Variants in LRBA observed in about 807,000 individuals in gnomAD.
The protein encoded by LRBA is lipopolysaccharide-responsive and beige-like anchor protein.
LRBA carries 176 observed loss-of-function variants against 330.0 expected under a neutral mutation model. That is an observed-to-expected ratio of 0.53 (90% confidence interval 0.47 to 0.60). The LOEUF (loss-of-function observed/expected upper bound fraction) is 0.60. Ranked by LOEUF, LRBA falls within the 20% of genes least tolerant of loss-of-function variation. The pLI is 0.00. For missense variants in LRBA, 3,259 were observed against 3,444.8 expected (o/e 0.95, Z 1.35); for synonymous variants, 1,230 against 1,193.0 (o/e 1.03, Z -0.64).
At chr4:150,345,938 G>A (rs545731206) in intron 48 of LRBA, among the ~76,000 whole-genome samples, 1 of 152,004 alleles carries the variant, frequency 6.6e-6, no homozygotes, top group East Asian at 1.9e-4. Context: ...GCACCCAATA[G>A]CTGGAATTAT....
chr4:150,734,852 G>C (rs2127140570), intron 36 of LRBA, among the ~76,000 whole-genome samples: 1 of 152,262 alleles, frequency 6.6e-6, no homozygotes, highest in Admixed American at 6.5e-5. Flanking sequence ...ACACCCCTGT[G>C]TTCAGCTCCT....
intron 37 of LRBA, among the ~76,000 whole-genome samples, chr4:150,678,146 C>A (rs897573103): frequency 4.6e-5 from 7 of 151,344 alleles, no homozygotes; most frequent in Admixed American, 4.6e-4. Flanking sequence ...AAGGCTGAGA[C>A]AGGATAACTG....
chr4:150,659,723 T>TG (rs1169171726), intron 37 of LRBA, among the ~76,000 whole-genome samples: 18 of 5,824 alleles, frequency 3.1e-3, no homozygotes, highest in Admixed American at 9.1e-3. Flanking sequence ...GGGAGGGAGG[T>TG]GGGGGGGTCA....
rs1345207108 is a variant in LRBA at position 150,489,337 on chromosome 4, A to C, written c.6449-1503T>G. Among the ~76,000 whole-genome samples the C allele has an allele frequency of 7.4e-4, 61 of 82,432 alleles. 2 individuals are homozygous for C. Among genetic ancestry groups the C allele is most frequent in the African/African-American group, 1.8e-3 (36 of 19,996 alleles). The allele number at this position is 82,432 out of a possible 152,430, so 54.1% of individuals were successfully genotyped here. A position where few individuals can be genotyped will look rare whatever the true frequency, so the allele number is the denominator to read the frequency against. ...GAATATATAAAATATATTACATATAAGAATATAAAATATATTACATATAAG... is the reference window on the plus strand; with the variant it reads ...GAATATATAAAATATATTACATATACGAATATAAAATATATTACATATAAG... On this transcript the variant is annotated intron_variant, in intron 41 of 56. Coordinates refer to ENST00000651943, the MANE Select transcript of LRBA (RefSeq NM_001364905.1).
chr4:150,446,674 C>T (rs1415338874), intron 44 of LRBA, among the ~76,000 whole-genome samples: 1 of 152,210 alleles, frequency 6.6e-6, no homozygotes, highest in Non-Finnish European at 1.5e-5. Context: ...CTCCCCAGTG[C>T]TCCCTCAAGG....
intron 26 of LRBA, among the ~76,000 whole-genome samples, chr4:150,845,464 T>C (rs1413891917): frequency 6.6e-6 from 1 of 152,196 alleles, no homozygotes; most frequent in Non-Finnish European, 1.5e-5. Context: ...AGAAATTAAT[T>C]TTGGATTTTA....
intron 34 of LRBA, among the ~76,000 whole-genome samples, chr4:150,784,542 C>A (rs1329052067): frequency 6.6e-6 from 1 of 152,122 alleles, no homozygotes; most frequent in African/African-American, 2.4e-5. Flanking sequence ...AGCCTTTTTG[C>A]CCTACGTGAA....
At chr4:150,698,371 AG>A (rs1784817983) in intron 36 of LRBA, among the ~76,000 whole-genome samples, 1 of 152,172 alleles carries the variant, frequency 6.6e-6, no homozygotes, top group African/African-American at 2.4e-5. Flanking sequence ...TATATCTATG[AG>A]GGATATATTC....
chr4:150,679,303 G>A (rs1049578680), intron 37 of LRBA, among the ~76,000 whole-genome samples: 6 of 152,118 alleles, frequency 3.9e-5, no homozygotes, highest in African/African-American at 9.7e-5. Context: ...CTTTAGGCCT[G>A]CCTTTCCTTG....
chr4:150,599,510 A>G (rs1423293685), intron 37 of LRBA, among the ~76,000 whole-genome samples: 1 of 152,192 alleles, frequency 6.6e-6, no homozygotes, highest in African/African-American at 2.4e-5. Flanking sequence ...AAACCAGAAT[A>G]GGGAAAAGGC....
At chr4:150,861,873 T>C (rs966023665) in intron 22 of LRBA, among the ~76,000 whole-genome samples, 14 of 151,764 alleles carry the variant, frequency 9.2e-5, no homozygotes, top group Non-Finnish European at 1.5e-4. Context: ...CCCAGCTACT[T>C]GGGAGGCTGA....
At chr4:150,373,124 CGTGTGTGTGT>C (rs70937397) in intron 47 of LRBA, among the ~76,000 whole-genome samples, 9,077 of 96,234 alleles carry the variant, frequency 0.094, 516 homozygotes, top group South Asian at 0.2. Context: ...ACTACAATCT[CGTGTGTGTGT>C]GTGTGTGTGT....
At chr4:150,383,760 A>G (rs1742639362) in intron 47 of LRBA, among the ~76,000 whole-genome samples, 1 of 152,132 alleles carries the variant, frequency 6.6e-6, no homozygotes, top group South Asian at 2.1e-4. Flanking sequence ...AGCTTAACAA[A>G]ATGCAAGTAG....
intron 36 of LRBA, among the ~76,000 whole-genome samples, chr4:150,708,723 T>A (rs115366892): frequency 1.1e-3 from 162 of 151,904 alleles, no homozygotes; most frequent in African/African-American, 3.7e-3. Flanking sequence ...ATAGTTCATA[T>A]GAGAAAATGC....
intron 47 of LRBA, among the ~76,000 whole-genome samples, chr4:150,379,673 A>C (rs974207474): frequency 6.6e-6 from 1 of 152,228 alleles, no homozygotes; most frequent in Non-Finnish European, 1.5e-5. Context: ...ATACATCCTG[A>C]TGACAAATGA....
At chr4:150,328,930 G>C (rs76415778) in intron 48 of LRBA, among the ~76,000 whole-genome samples, 8,399 of 152,130 alleles carry the variant, frequency 0.055, 569 homozygotes, top group African/African-American at 0.16. Flanking sequence ...ATAGTGTTTT[G>C]CACTTAACAA....
chr4:150,807,107 T>C (rs1742913271), intron 32 of LRBA, among the ~76,000 whole-genome samples: 1 of 151,622 alleles, frequency 6.6e-6, no homozygotes, highest in Admixed American at 6.6e-5. Flanking sequence ...ATGAGGGTTT[T>C]TTTTTTAAGG....
intron 44 of LRBA, among the ~76,000 whole-genome samples, chr4:150,447,078 T>C (rs181008756): frequency 6.6e-6 from 1 of 152,162 alleles, no homozygotes; most frequent in South Asian, 2.1e-4. Context: ...TTGGGCTGCC[T>C]CTACAATTTA....
At chr4:150,363,908 TTGGTTGATACAGTGC>T (rs1739069201) in intron 47 of LRBA, among the ~76,000 whole-genome samples, 1 of 152,246 alleles carries the variant, frequency 6.6e-6, no homozygotes, top group Non-Finnish European at 1.5e-5. Flanking sequence ...GCCACTTTAC[TTGGTTGATACAGTGC>T]TGGTTTGGCA....
Sources: allele counts gnomAD v4.1 joint callset (sites outside exome capture counted in the v4.1 genomes callset), GRCh38; gene constraint gnomAD v4.1.1; transcripts MANE v1.5; gene names NCBI Gene and HGNC (gene_info 2026-07-23, HGNC 2026-07-21).